The following ZNF142 variants were observed in gnomAD, a reference collection of about 807,000 sequenced individuals.
ZNF142 encodes the protein zinc finger protein 142.
Under a neutral mutation model 132.1 loss-of-function variants are expected in ZNF142, and 96 were observed. The ratio of observed to expected loss-of-function variants is 0.73; its 90% CI spans 0.62 to 0.86. The LOEUF (loss-of-function observed/expected upper bound fraction) is 0.86. Ranked by LOEUF, ZNF142 falls within the 40% of genes least tolerant of loss-of-function variation. The probability of loss-of-function intolerance (pLI) is 0.00; values close to 1 mark genes in which losing one functional copy is unlikely to be tolerated. For synonymous variants in ZNF142, 842 were observed against 890.1 expected, an observed-to-expected ratio of 0.95 and a Z score of 0.96; for missense variants, 2,163 against 2,336.2, an observed-to-expected ratio of 0.93 and a Z score of 1.53.
rs1449452287 is a variant in ZNF142 at position 218,648,889 on chromosome 2, T to C, written c.1619A>G (p.His540Arg). Residue 540 changes from histidine to arginine, a missense_variant, in exon 7 of 11, where the codon CAC (histidine) becomes CGC (arginine). Transcript: ENST00000411696. ...ACAGTGGGGGCAGTGGAAGGCGTAGTGACTCTTGTGGTGGGCCTCCATGGC... is the reference window on the plus strand; with the variant it reads ...ACAGTGGGGGCAGTGGAAGGCGTAGCGACTCTTGTGGTGGGCCTCCATGGC... ...AEAMEAHHKSHYAFHCPHCDF... is the reference protein window; with the variant it reads ...AEAMEAHHKSRYAFHCPHCDF... The C allele has an allele frequency of 6.2e-7, 1 of 1,614,198 alleles. No individual in the cohort carries two copies. The highest frequency in any genetic ancestry group is 8.5e-7 in the Non-Finnish European group (1 of 1,180,050).
At position 218,657,318 on chromosome 2, in the gene ZNF142, C is replaced by T. The variant is rs760445937; in HGVS notation, c.-34-855G>A. 4.6e-5 allele frequency among the ~76,000 whole-genome samples: 7 copies of T among 152,296 alleles called. No individual in the cohort carries two copies. In the East Asian group the frequency reaches 5.8e-4, roughly 13 times the overall value. On this transcript the variant is annotated intron_variant, in intron 3 of 10. Coordinates refer to ENST00000411696, the MANE Select transcript of ZNF142 (RefSeq NM_001379659.1). Reference sequence around the variant, plus strand: ...GCTTTCATACCCTCACAGCCTTTTGCGTCTCTTGGCTTGATATGCCTTTTC... The same window carrying T: ...GCTTTCATACCCTCACAGCCTTTTGTGTCTCTTGGCTTGATATGCCTTTTC...
At position 218,650,448 on chromosome 2, in the gene ZNF142, T is replaced by A; in HGVS notation, c.959A>T (p.Glu320Val). Residue 320 changes from glutamate (E) to valine (V), a missense_variant, in exon 6 of 11, where the codon GAG becomes GTG. Glu to Val is a moderately radical substitution (Grantham distance 121). Coordinates refer to ENST00000411696, the MANE Select transcript of ZNF142 (RefSeq NM_001379659.1). ...TPLPGQETAE[E>V]ENVEKEEKSD... is the part of the protein sequence containing the mutation. ...CTTCTCTTCTTTCTCTACATTCTCC[T>A]CTTCAGCTGTCTCCTGCCCAGGCAA... The A allele has an allele frequency of 6.2e-7, 1 of 1,614,174 alleles. No individual in the cohort carries two copies.
At chr2:218,650,783 C>T (rs896465245) in intron 5 of ZNF142, among the ~76,000 whole-genome samples, 3 of 152,282 alleles carry the variant, frequency 2.0e-5, no homozygotes, top group South Asian at 4.1e-4. Context: ...CTGACAGCAG[C>T]GAGGTCATTG....
At chr2:218,653,284 A>G (rs1395232358) in intron 4 of ZNF142, among the ~76,000 whole-genome samples, 1 of 151,978 alleles carries the variant, frequency 6.6e-6, no homozygotes, top group Non-Finnish European at 1.5e-5. Flanking sequence ...CTCAAAAAAA[A>G]AAAAAATTTC....
rs576114672 is a variant in ZNF142 at position 218,647,613 on chromosome 2, G to A, written c.1873+1022C>T. ...CTGTTTCCTTGCCTCCAAAAGGTTG[G>A]TATAAAGATTATATGAAATGTCCCA... is the stretch of plus-strand genomic sequence containing the variant. On this transcript the variant is annotated intron_variant, in intron 7 of 10. Coordinates refer to ENST00000411696, the MANE Select transcript of ZNF142 (RefSeq NM_001379659.1). Among the ~76,000 whole-genome samples, 7 of 152,046 alleles carry A rather than the reference G, an allele frequency of 4.6e-5. No homozygotes were observed. In the South Asian group the frequency reaches 1.5e-3, roughly 32 times the overall value.
chr2:218,647,422 C>CAAA lies in ZNF142; in HGVS notation c.1874-1077_1874-1075dup, dbSNP rs35920609. On this transcript the variant is annotated intron_variant, in intron 7 of 10. Transcript: ENST00000411696. ...TGAGCAACAGAGCCAGACTCCATCTCAAAAAAAAAAAAAGCCTCCTCCCCT... is the reference window on the plus strand; with the variant it reads ...TGAGCAACAGAGCCAGACTCCATCTCAAAAAAAAAAAAAAAAGCCTCCTCCCCT... Among the ~76,000 whole-genome samples the CAAA allele has an allele frequency of 2.1e-4, 8 of 38,650 alleles. 2 individuals are homozygous for CAAA. Among genetic ancestry groups the CAAA allele is most frequent in the Admixed American group, 5.4e-4 (1 of 1,846 alleles). The allele number at this position is 38,650 out of a possible 152,430, so 25.4% of individuals were successfully genotyped here.
In ZNF142 at chr2:218,642,349, G is replaced by C. The variant is rs762775606; in HGVS notation, c.4767C>G (p.Ala1589=). ...GCTTTACCAGGCCCACCCGCTCCCGGGCAGCAAAGTCACAGAGCTGACAGC... is the reference window on the plus strand; with the variant it reads ...GCTTTACCAGGCCCACCCGCTCCCGCGCAGCAAAGTCACAGAGCTGACAGC... The part of the protein sequence containing the change: ...SHRCQLCDFA[A]RERVGLVKHY... The change falls in exon 9 of 11, where the codon GCC becomes GCG. Residue 1589 remains alanine, a synonymous_variant. Transcript: ENST00000411696. This position sits in a 1 kb window ranked among gnomAD's most constrained non-coding sequence, Gnocchi z 4.6. The C allele has an allele frequency of 1.9e-6, 3 of 1,613,398 alleles. No individual in the cohort carries two copies. The highest frequency in any genetic ancestry group is 2.5e-6 in the Non-Finnish European group (3 of 1,180,016).
At chr2:218,641,434 C>G (rs937777369) in intron 9 of ZNF142, among the ~76,000 whole-genome samples, 11 of 150,906 alleles carry the variant, frequency 7.3e-5, no homozygotes, top group African/African-American at 2.7e-4. Context: ...TTAGTAGAGA[C>G]GGGGTTTCAC....
In ZNF142 at chr2:218,648,710, T is replaced by A. The variant is rs1937671513; in HGVS notation, c.1798A>T (p.Ile600Phe). 4 of 1,614,234 alleles carry A rather than the reference T, an allele frequency of 2.5e-6. No homozygotes were observed. Among genetic ancestry groups the A allele is most frequent in the Non-Finnish European group, 3.4e-6 (4 of 1,180,040 alleles). ...HVGKMHAHEKIHQCPECNFAT... is the reference protein window; with the variant it reads ...HVGKMHAHEKFHQCPECNFAT... ...AAGTTGCACTCAGGACACTGGTGGA[T>A]CTTTTCATGAGCATGCATCTTGCCT... The change falls in exon 7 of 11, where the codon ATC becomes TTC. Residue 600 changes from isoleucine (I) to phenylalanine (F), a missense_variant. Physicochemically the swap from Ile to Phe is conservative, Grantham distance 21 (BLOSUM62 0). Transcript: ENST00000411696.
intron 9 of ZNF142, 147 bp downstream of exon 9, chr2:218,641,881 A>T: frequency 9.3e-7 from 1 of 1,075,074 alleles, no homozygotes; most frequent in Non-Finnish European, 1.3e-6. Context: ...TCTCATTTTT[A>T]ACAGATGAAG....
chr2:218,659,105 G>C lies in ZNF142; in HGVS notation c.-336C>G, dbSNP rs1410540614. On this transcript the variant is annotated 5_prime_UTR_variant, in exon 2 of 11. Transcript: ENST00000411696. This position sits in a 1 kb window ranked among gnomAD's most constrained non-coding sequence, Gnocchi z 4.4. The stretch of plus-strand genomic sequence containing the variant: ...GCTGGATCATAAGAGCCAGCGAACT[G>C]GAAAGGCGGTTTGTAACCTGGAAGG... 6.6e-6 allele frequency: 1 copy of C among 152,320 alleles called. No individual in the cohort carries two copies. The highest frequency in any genetic ancestry group is 1.5e-5 in the Non-Finnish European group (1 of 68,138). The allele number at this position is 152,320 out of a possible 1,614,324, so 9.4% of individuals were successfully genotyped here.
Position 218,648,931 on chromosome 2 carries a change from A to G in ZNF142, c.1577T>C (p.Leu526Pro). 6.2e-7 allele frequency: 1 copy of G among 1,613,576 alleles called. No homozygotes were observed. Among genetic ancestry groups the G allele is most frequent in the Non-Finnish European group, 8.5e-7 (1 of 1,180,024 alleles). The change falls in exon 7 of 11, where the codon CTC becomes CCC. Residue 526 changes from leucine (L) to proline (P), a missense_variant. Around this residue, in one of 7 missense-constraint regions of ZNF142, gnomAD observed 749 missense variants for 830.3 expected, o/e 0.90. Coordinates refer to ENST00000411696, the MANE Select transcript of ZNF142 (RefSeq NM_001379659.1). ...VECRHHSCPMLFATAEAMEAH... is the reference protein window; with the variant it reads ...VECRHHSCPMPFATAEAMEAH... ...CTCCATGGCTTCGGCTGTGGCAAAG[A>G]GCATGGGACATGAGTGATGGCGGCA...
chr2:218,648,847 T>C lies in ZNF142; in HGVS notation c.1661A>G (p.Asn554Ser), dbSNP rs1937691725. ...HCPHCDFACS[N>S]KHLFRKHKKQ... Reference sequence around the variant, plus strand: ...CTTGTGTTTACGGAATAGGTGCTTATTGGAACAAGCAAAATCACAGTGGGG... The same window carrying C: ...CTTGTGTTTACGGAATAGGTGCTTACTGGAACAAGCAAAATCACAGTGGGG... The change falls in exon 7 of 11, where the codon AAT (asparagine) becomes AGT (serine). Residue 554 changes from asparagine to serine, a missense_variant. By Grantham distance (46) the Asn-to-Ser change is conservative (BLOSUM62 1). Transcript: ENST00000411696. 4 of 1,614,118 alleles carry C rather than the reference T, an allele frequency of 2.5e-6. No individual in the cohort carries two copies. The highest frequency in any genetic ancestry group is 2.7e-5 in the African/African-American group (2 of 74,930).
chr2:218,645,064 C>A lies in ZNF142; in HGVS notation c.2052G>T (p.Arg684Ser), dbSNP rs1464284898. 2 of 1,605,000 alleles carry A rather than the reference C, an allele frequency of 1.2e-6. No homozygotes were observed. The highest frequency in any genetic ancestry group is 1.3e-5 in the African/African-American group (1 of 74,760). Residue 684 changes from arginine (R) to serine (S), a missense_variant and splice_region_variant, in exon 9 of 11, where the codon AGG becomes AGT. Transcript: ENST00000411696. The part of the protein sequence containing the change: ...VHMRKHAGDL[R>S]YQCNQCSYRC... ...GATAGGAGCACTGGTTGCACTGATA[C>A]CTGGCAAGGAGGGAAAGGGGGAGGC... is the stretch of plus-strand genomic sequence containing the variant.
rs1449656261 is a variant in ZNF142 at position 218,644,915 on chromosome 2, TG to T, written c.2200del (p.Gln734SerfsTer27). On this transcript the variant is annotated frameshift_variant, in exon 9 of 11. Transcript: ENST00000411696. LOFTEE classifies it high-confidence loss of function. The surrounding 1 kb of genome is among the most constrained non-coding windows in gnomAD (Gnocchi z 4.6). ...TGGGGCCGGTGTGCCAGGGTGGTGC[TG>T]GGAAGCCATGTGCTTCTGCAGCTCA... ...KYELQKHMAS[Q>X]HHPGTPAPLY... 2.5e-6 allele frequency: 4 copies of T among 1,613,904 alleles called. No homozygotes were observed. The highest frequency in any genetic ancestry group is 3.4e-6 in the Non-Finnish European group (4 of 1,179,946).
Position 218,633,871 on chromosome 2 carries a change from AAGGAGTT to A in ZNF142, c.*4461_*4467del. ...AAGACAAGGTAGCTAAGGAGAGATG[AAGGAGTT>A]CAGAAACTCCTTAGAGCAGACAAGG... On this transcript the variant is annotated 3_prime_UTR_variant, in exon 11 of 11. Transcript: ENST00000411696. 1 of 1,385,082 alleles carries A rather than the reference AAGGAGTT, an allele frequency of 7.2e-7. No homozygotes were observed. Among genetic ancestry groups the A allele is most frequent in the Non-Finnish European group, 1.0e-6 (1 of 1,002,652 alleles). The allele number at this position is 1,385,082 out of a possible 1,614,324, so 85.8% of individuals were successfully genotyped here.
At position 218,642,892 on chromosome 2, in the gene ZNF142, C is replaced by T. The variant is rs371886564; in HGVS notation, c.4224G>A (p.Ser1408=). 2.0e-5 allele frequency: 32 copies of T among 1,613,890 alleles called. No individual in the cohort carries two copies. Among genetic ancestry groups the T allele is most frequent in the East Asian group, 4.5e-5 (2 of 44,888 alleles). Residue 1408 remains serine, a synonymous_variant, in exon 9 of 11, where the codon TCG becomes TCA. Transcript: ENST00000411696. The surrounding 1 kb of genome is among the most constrained non-coding windows in gnomAD (Gnocchi z 4.6). ...KPHQCPFCDF[S]TTRRYRLEAH... ...CCTCTAACCGGTACCGTCTGGTGGTCGAAAAGTCACAGAAGGGGCACTGAT... is the reference window on the plus strand; with the variant it reads ...CCTCTAACCGGTACCGTCTGGTGGTTGAAAAGTCACAGAAGGGGCACTGAT...
rs754644141 is a variant in ZNF142, at chr2:218,656,221, G to A, written c.209C>T (p.Pro70Leu). ...CTCCACAATGATCTCCATGTTCCCT[G>A]GTCCCTCTTCAGTTGCTGTGGCCTC... ...LVEATATEEG[P>L]GNMEIIVETV... Residue 70 changes from proline (P) to leucine (L), a missense_variant, in exon 4 of 11, where the codon CCA (proline) becomes CTA (leucine). Pro to Leu is a moderately conservative substitution (Grantham distance 98, BLOSUM62 -3). This residue lies in a region of ZNF142 where 195 missense variants were observed against 172.4 expected (regional missense o/e 1.13). Transcript: ENST00000411696. 1 of 1,613,076 alleles carries A rather than the reference G, an allele frequency of 6.2e-7. No homozygotes were observed. Among genetic ancestry groups the A allele is most frequent in the South Asian group, 1.1e-5 (1 of 90,736 alleles).
chr2:218,651,108 C>T (rs180808225), intron 5 of ZNF142, among the ~76,000 whole-genome samples: 91 of 152,092 alleles, frequency 6.0e-4, no homozygotes, highest in African/African-American at 2.0e-3. Flanking sequence ...ACCTCAACCT[C>T]CCGAGTAACT....
Sources: allele counts gnomAD v4.1 joint callset (sites outside exome capture counted in the v4.1 genomes callset), GRCh38; gene constraint gnomAD v4.1.1; regional missense constraint gnomAD v4.1.1; non-coding constraint Gnocchi (gnomAD v3.1); transcripts MANE v1.5; gene names NCBI Gene and HGNC (gene_info 2026-07-23, HGNC 2026-07-21).